PIK3AP1: variants seen among roughly 807,000 people sequenced by gnomAD.
PIK3AP1 encodes the protein phosphoinositide-3-kinase adaptor protein 1.
PIK3AP1 carries 21 observed loss-of-function variants against 88.1 expected under a neutral mutation model. That is an observed-to-expected ratio of 0.24 (90% confidence interval 0.17 to 0.34). The LOEUF (loss-of-function observed/expected upper bound fraction) is 0.34, where lower values mean the gene tolerates loss of function less well. PIK3AP1 is among the 10% of genes least tolerant of loss of function. The pLI is 1.00. For synonymous variants in PIK3AP1, 398 were observed against 400.0 expected (o/e 1.00, Z 0.06); for missense variants, 828 against 1,035.7 (o/e 0.80, Z 2.75).
intron 12 of PIK3AP1, chr10:96,618,878 C>G (rs559063484): frequency 6.6e-6 from 1 of 152,356 alleles, no homozygotes; most frequent in African/African-American, 2.4e-5. Context: ...TGCAGCCTCC[C>G]AGGGGCTCCT....
rs752904157 is a variant in PIK3AP1, at chr10:96,656,856, G to A, written c.509C>T (p.Pro170Leu). 48 of 1,613,976 alleles carry A rather than the reference G, an allele frequency of 3.0e-5. No individual in the cohort carries two copies. In the South Asian group the frequency reaches 4.0e-4, roughly 13 times the overall value. The change falls in exon 3 of 17, where the codon CCG becomes CTG. Residue 170 changes from proline (P) to leucine (L), a missense_variant. Physicochemically the swap from Pro to Leu is moderately conservative, Grantham distance 98 (BLOSUM62 -3). Transcript: ENST00000339364. The part of the protein sequence containing the change: ...VVSYSKQQNL[P>L]TVTSPGNLMV... ...CAGGTTCCCAGGTGAAGTCACCGTC[G>A]GCAGGTTCTGCTGCTTCGAGTAGGA... is the stretch of plus-strand genomic sequence containing the variant.
chr10:96,707,467 A>T (rs933614566), intron 2 of PIK3AP1, among the ~76,000 whole-genome samples: 2 of 151,824 alleles, frequency 1.3e-5, no homozygotes, highest in Non-Finnish European at 2.9e-5. Flanking sequence ...TAATTTTTGT[A>T]TTTTTTTAGT....
At chr10:96,696,284 T>C (rs1844220402) in intron 2 of PIK3AP1, among the ~76,000 whole-genome samples, 1 of 152,178 alleles carries the variant, frequency 6.6e-6, no homozygotes, top group African/African-American at 2.4e-5. Context: ...AACAGGCAAT[T>C]TTGATCAATT....
chr10:96,602,571 A>G (rs1367508103), intron 15 of PIK3AP1, among the ~76,000 whole-genome samples, 173 bp from the exon 16 acceptor site: 1 of 152,204 alleles, frequency 6.6e-6, no homozygotes, highest in African/African-American at 2.4e-5. Flanking sequence ...TCCTGAAGTC[A>G]CTGAGGCACT....
At chr10:96,615,809 C>T (rs1849205753) in intron 13 of PIK3AP1, among the ~76,000 whole-genome samples, 1 of 152,178 alleles carries the variant, frequency 6.6e-6, no homozygotes, top group Non-Finnish European at 1.5e-5. Flanking sequence ...AGGGTGTTAC[C>T]AGCCCAACTA....
rs1290353756 is a variant in PIK3AP1, at chr10:96,595,430, A to ACC, written c.*146_*147insGG. 3 of 905,518 alleles carry ACC rather than the reference A, an allele frequency of 3.3e-6. No individual in the cohort carries two copies. Among genetic ancestry groups the ACC allele is most frequent in the Non-Finnish European group, 5.1e-6 (3 of 593,714 alleles). 56.1% of individuals were successfully genotyped at this position (905,518 alleles called of 1,614,324 possible). Reference sequence around the variant, plus strand: ...TTAATAAAATCTTCGAGGCAAGCCCAAACCAGCAGGGCTGCAGCATTATCA... The same window carrying ACC: ...TTAATAAAATCTTCGAGGCAAGCCCACCAACCAGCAGGGCTGCAGCATTATCA... On this transcript the variant is annotated 3_prime_UTR_variant, in exon 17 of 17. Coordinates refer to ENST00000339364, the MANE Select transcript of PIK3AP1 (RefSeq NM_152309.3).
intron 14 of PIK3AP1, among the ~76,000 whole-genome samples, chr10:96,607,033 A>G (rs548204336): frequency 1.1e-3 from 171 of 152,330 alleles, no homozygotes; most frequent in Middle Eastern, 0.01. Flanking sequence ...TAACACTAAT[A>G]TCTGGCGCTT....
intron 8 of PIK3AP1, among the ~76,000 whole-genome samples, chr10:96,636,448 A>G (rs1267002488): frequency 6.6e-6 from 1 of 152,180 alleles, no homozygotes; most frequent in Non-Finnish European, 1.5e-5. Flanking sequence ...CAGGCTCTAA[A>G]TATGACAACC....
intron 2 of PIK3AP1, among the ~76,000 whole-genome samples, chr10:96,693,406 T>C (rs1483473271): frequency 6.6e-6 from 1 of 152,052 alleles, no homozygotes; most frequent in African/African-American, 2.4e-5. Flanking sequence ...ACTGGATGGA[T>C]AGATGGAAAG....
chr10:96,603,704 ACACACAC>A (rs1295386589), intron 15 of PIK3AP1: 99 of 217,756 alleles, frequency 4.5e-4, no homozygotes, highest in African/African-American at 4.6e-4. Flanking sequence ...ACACACACAC[ACACACAC>A]CACATATATA....
chr10:96,596,274 A>G (rs1848751171), intron 16 of PIK3AP1, among the ~76,000 whole-genome samples: 2 of 152,060 alleles, frequency 1.3e-5, no homozygotes, highest in Admixed American at 1.3e-4. Context: ...TCTAAATCTT[A>G]CCCAGGCTCA....
At chr10:96,605,313 G>T (rs1174868983) in intron 14 of PIK3AP1, among the ~76,000 whole-genome samples, 1 of 152,148 alleles carries the variant, frequency 6.6e-6, no homozygotes, top group Non-Finnish European at 1.5e-5. Context: ...CAATATGGTA[G>T]CAAGTGGGAA....
intron 15 of PIK3AP1, 117 bp from the exon 16 acceptor site, chr10:96,602,515 G>A: frequency 2.4e-6 from 2 of 831,264 alleles, no homozygotes; most frequent in Non-Finnish European, 1.9e-6. Flanking sequence ...AAGGTTGTTT[G>A]CAAATTGATA....
chr10:96,714,443 T>A (rs1844477224), intron 1 of PIK3AP1, among the ~76,000 whole-genome samples: 1 of 152,228 alleles, frequency 6.6e-6, no homozygotes, highest in Admixed American at 6.5e-5. Context: ...CCAAAGTCCA[T>A]GCTCTTAATC....
intron 10 of PIK3AP1, among the ~76,000 whole-genome samples, chr10:96,624,754 CT>C (rs1843132671): frequency 6.6e-6 from 1 of 152,184 alleles, no homozygotes; most frequent in Admixed American, 6.5e-5. Flanking sequence ...CCCAGGTGTT[CT>C]GGCATCCAAG....
At chr10:96,676,807 G>A (rs1843927982) in intron 2 of PIK3AP1, among the ~76,000 whole-genome samples, 1 of 152,060 alleles carries the variant, frequency 6.6e-6, no homozygotes, top group South Asian at 2.1e-4. Context: ...ATTCCACAGG[G>A]ACTTCTTTTC....
At chr10:96,706,991 A>G (rs1844372566) in intron 2 of PIK3AP1, among the ~76,000 whole-genome samples, 1 of 152,226 alleles carries the variant, frequency 6.6e-6, no homozygotes, top group African/African-American at 2.4e-5. Flanking sequence ...ATTTGTCCCT[A>G]TATCCATTGA....
At chr10:96,638,407 C>T (rs1049046763) in intron 8 of PIK3AP1, among the ~76,000 whole-genome samples, 2 of 151,858 alleles carry the variant, frequency 1.3e-5, no homozygotes, top group Non-Finnish European at 2.9e-5. Context: ...TTACCCAGTC[C>T]ATGGTGTTCT....
chr10:96,616,807 T>A, intron 12 of PIK3AP1, 96 bp from the exon 13 acceptor site: 2 of 1,170,162 alleles, frequency 1.7e-6, no homozygotes, highest in Non-Finnish European at 2.6e-6. Flanking sequence ...TTGCAGGGTA[T>A]ATCACATTGC....
Sources: gnomAD v4.1 joint callset for allele counts (sites outside exome capture counted in the v4.1 genomes callset) on GRCh38, gnomAD v4.1.1 for gene constraint, MANE v1.5 for transcripts, NCBI Gene and HGNC (gene_info 2026-07-23, HGNC 2026-07-21) for gene names.